ACTR3C: variants seen among roughly 807,000 people sequenced by gnomAD.
ACTR3C encodes actin-related protein 3C.
Under a neutral mutation model 26.3 loss-of-function variants are expected in ACTR3C, and 18 were observed. The ratio of observed to expected loss-of-function variants is 0.68; its 90% confidence interval spans 0.47 to 1.01. ACTR3C has a LOEUF of 1.01. Ranked by LOEUF, ACTR3C falls within the 50% of genes least tolerant of loss-of-function variation. The probability of loss-of-function intolerance (pLI) is 0.00; values close to 1 mark genes in which losing one functional copy is unlikely to be tolerated. For synonymous variants in ACTR3C, 55 were observed against 94.5 expected, an observed-to-expected ratio of 0.58 and a Z score of 2.42; for missense variants, 184 against 250.7, an observed-to-expected ratio of 0.73 and a Z score of 1.80.
chr7:150,087,652 T>G, the ACTR3C span, among the ~76,000 whole-genome samples: 2 of 152,124 alleles, frequency 1.3e-5, no homozygotes, highest in Admixed American at 1.3e-4. Flanking sequence ...GGCTGGAATA[T>G]GCAGGGTTGA....
the ACTR3C span, among the ~76,000 whole-genome samples, chr7:149,979,893 C>T: frequency 6.8e-6 from 1 of 147,636 alleles, no homozygotes; most frequent in Non-Finnish European, 1.5e-5. Flanking sequence ...TTGGGGAGTC[C>T]TAGGGTCAGC....
At chr7:150,017,284 C>T in the ACTR3C span, among the ~76,000 whole-genome samples, 1 of 151,652 alleles carries the variant, frequency 6.6e-6, no homozygotes, top group Non-Finnish European at 1.5e-5. Context: ...TCTCGTGTGG[C>T]TTCCCAGCCC....
the ACTR3C span, among the ~76,000 whole-genome samples, chr7:149,936,641 CA>C: frequency 6.6e-6 from 1 of 152,188 alleles, no homozygotes; most frequent in Non-Finnish European, 1.5e-5. Flanking sequence ...TCCATTTATA[CA>C]TGATACTTGA....
the ACTR3C span, among the ~76,000 whole-genome samples, chr7:150,135,226 C>T: frequency 3.3e-5 from 5 of 152,318 alleles, no homozygotes; most frequent in South Asian, 2.1e-4. Context: ...GAGCTGAGAT[C>T]GCGCCACTGC....
the ACTR3C span, among the ~76,000 whole-genome samples, chr7:149,996,382 C>G: frequency 2.7e-5 from 4 of 150,342 alleles, no homozygotes; most frequent in Middle Eastern, 3.5e-3. Context: ...CCAGAAAAGT[C>G]TGTTGCATGA....
the ACTR3C span, among the ~76,000 whole-genome samples, chr7:149,997,564 G>A: frequency 6.6e-6 from 1 of 151,984 alleles, no homozygotes; most frequent in Non-Finnish European, 1.5e-5. Flanking sequence ...TATTAGGAAA[G>A]TCTTCAATTT....
At chr7:149,919,664 GTCA>G in the ACTR3C span, among the ~76,000 whole-genome samples, 2 of 152,028 alleles carry the variant, frequency 1.3e-5, no homozygotes, top group African/African-American at 4.8e-5. Flanking sequence ...GCCAGGTGAG[GTCA>G]TCTCAGGTGC....
At chr7:150,084,642 C>T in the ACTR3C span, among the ~76,000 whole-genome samples, 1 of 152,090 alleles carries the variant, frequency 6.6e-6, no homozygotes, top group African/African-American at 2.4e-5. Context: ...CTGATATGGC[C>T]AGAGCATGGA....
chr7:150,178,452 T>A, the ACTR3C span, among the ~76,000 whole-genome samples: 3 of 150,162 alleles, frequency 2.0e-5, no homozygotes, highest in East Asian at 5.8e-4. Context: ...CCGGCTAATG[T>A]TTTGCATTTT....
the ACTR3C span, chr7:150,001,994 C>G: frequency 6.6e-6 from 1 of 152,254 alleles, no homozygotes; most frequent in African/African-American, 2.4e-5. Context: ...AGCAGCGAGG[C>G]CTGCCAACAA....
At chr7:149,885,034 C>A in the ACTR3C span, among the ~76,000 whole-genome samples, 4,472 of 152,088 alleles carry the variant, frequency 0.029, 209 homozygotes, top group African/African-American at 0.094. Context: ...AGGGGGAGCA[C>A]GGGAGGGCAC....
chr7:150,024,986 C>T, the ACTR3C span, among the ~76,000 whole-genome samples: 1 of 152,094 alleles, frequency 6.6e-6, no homozygotes, highest in African/African-American at 2.4e-5. Context: ...TCTGGAGGGC[C>T]ACACCTCTGG....
At chr7:150,275,696 A>G (rs1052114770) in intron 6 of ACTR3C, among the ~76,000 whole-genome samples, 12 of 149,920 alleles carry the variant, frequency 8.0e-5, no homozygotes, top group Non-Finnish European at 1.6e-4. Context: ...GGGTGACAAG[A>G]GCGAAAACTC....
chr7:150,123,180 C>G, the ACTR3C span, among the ~76,000 whole-genome samples: 3,845 of 151,864 alleles, frequency 0.025, 179 homozygotes, highest in African/African-American at 0.086. Flanking sequence ...ACATGTATAC[C>G]TACATAACAA....
chr7:149,919,065 T>C, the ACTR3C span, among the ~76,000 whole-genome samples: 1 of 152,178 alleles, frequency 6.6e-6, no homozygotes, highest in African/African-American at 2.4e-5. Flanking sequence ...AAGCAAAGGT[T>C]CTCTGCACCC....
the ACTR3C span, among the ~76,000 whole-genome samples, chr7:150,137,468 C>G: frequency 6.6e-6 from 1 of 152,186 alleles, no homozygotes; most frequent in Non-Finnish European, 1.5e-5. Context: ...CTCAACTCCC[C>G]TACCCTTGGA....
the ACTR3C span, among the ~76,000 whole-genome samples, chr7:150,084,149 T>C: frequency 6.6e-6 from 1 of 152,098 alleles, no homozygotes; most frequent in Non-Finnish European, 1.5e-5. Flanking sequence ...TGGGATTACA[T>C]GTGTGAGCCA....
chr7:150,261,569 G>T (rs1325163778), intron 6 of ACTR3C, among the ~76,000 whole-genome samples: 2 of 152,246 alleles, frequency 1.3e-5, no homozygotes, highest in Non-Finnish European at 2.9e-5. Context: ...GGGCGTGGTG[G>T]CACATGCCTA....
At chr7:150,070,521 G>C in the ACTR3C span, among the ~76,000 whole-genome samples, 163 of 152,248 alleles carry the variant, frequency 1.1e-3, 6 homozygotes, top group South Asian at 0.033. Flanking sequence ...TACTAACATG[G>C]CTCACTTCAG....
Sources: allele counts gnomAD v4.1 joint callset (sites outside exome capture counted in the v4.1 genomes callset), GRCh38; gene constraint gnomAD v4.1.1; transcripts MANE v1.5; gene names NCBI Gene and HGNC (gene_info 2026-07-23, HGNC 2026-07-21).